CPB2: variants seen among roughly 807,000 people sequenced by gnomAD.
CPB2 encodes carboxypeptidase B2.
In CPB2, 54 loss-of-function variants were observed where a neutral mutation model predicts 57.0. The observed-to-expected ratio is 0.95, with a 90% CI of 0.76 to 1.19. The LOEUF is 1.19. Among genes scored for constraint, CPB2 ranks in the 50% most tolerant of loss-of-function variants. CPB2 has a pLI of 0.00. For synonymous variants in CPB2, 189 were observed against 178.1 expected (o/e 1.06, Z -0.49); for missense variants, 426 against 512.0 (o/e 0.83, Z 1.62).
At chr13:46,093,182 G>T (rs1229470283) in intron 1 of CPB2, among the ~76,000 whole-genome samples, 1 of 152,200 alleles carries the variant, frequency 6.6e-6, no homozygotes, top group East Asian at 1.9e-4. Context: ...CAAAATGCTG[G>T]GATTACAGGC....
At chr13:46,069,207 A>G (rs534881721) in intron 6 of CPB2, among the ~76,000 whole-genome samples, 1 of 152,250 alleles carries the variant, frequency 6.6e-6, no homozygotes, top group South Asian at 2.1e-4. Flanking sequence ...AATAGGTAGG[A>G]CTCCAGACAG....
chr13:46,055,902 C>T (rs2044691310), intron 9 of CPB2, 53 bp from the exon 10 acceptor site: 2 of 1,025,600 alleles, frequency 2.0e-6, no homozygotes, highest in Admixed American at 4.3e-5. Context: ...TGAAACATGA[C>T]AAGTAGAAGT....
At chr13:46,085,362 T>C (rs2045186833) in intron 2 of CPB2, among the ~76,000 whole-genome samples, 1 of 152,206 alleles carries the variant, frequency 6.6e-6, no homozygotes, top group Non-Finnish European at 1.5e-5. Flanking sequence ...GATGTGGTGG[T>C]CGTGAATATG....
chr13:46,081,318 A>T (rs1173699257), intron 4 of CPB2, among the ~76,000 whole-genome samples: 3 of 152,198 alleles, frequency 2.0e-5, no homozygotes, highest in African/African-American at 7.2e-5. Context: ...TGTTTATGGC[A>T]TTCCCCTCTC....
chr13:46,058,481 T>A (rs1019829890), intron 8 of CPB2, 100 bp from the exon 9 acceptor site: 2 of 951,638 alleles, frequency 2.1e-6, no homozygotes, highest in African/African-American at 3.2e-5. Flanking sequence ...GTTGCAACAC[T>A]TTTAGATGAA....
intron 6 of CPB2, among the ~76,000 whole-genome samples, chr13:46,069,005 T>G (rs2044898106): frequency 6.6e-6 from 1 of 152,184 alleles, no homozygotes; most frequent in African/African-American, 2.4e-5. Context: ...TAATAAAGCA[T>G]TTCTCATTTT....
chr13:46,076,630 T>G (rs1448418736), intron 5 of CPB2, among the ~76,000 whole-genome samples: 1 of 152,032 alleles, frequency 6.6e-6, no homozygotes, highest in East Asian at 1.9e-4. Flanking sequence ...GAAAAAAAAT[T>G]CTAAAATTCA....
chr13:46,069,403 A>G (rs1566402853), intron 6 of CPB2, among the ~76,000 whole-genome samples: 1 of 152,204 alleles, frequency 6.6e-6, no homozygotes, highest in Non-Finnish European at 1.5e-5. Context: ...TGGTGTATTC[A>G]TAGAGTTTTG....
At chr13:46,059,179 A>AC (rs1355306142) in intron 8 of CPB2, among the ~76,000 whole-genome samples, 3 of 152,228 alleles carry the variant, frequency 2.0e-5, no homozygotes, top group Non-Finnish European at 2.9e-5. Context: ...TAGTAATACT[A>AC]CCAGCTGACA....
intron 3 of CPB2, among the ~76,000 whole-genome samples, chr13:46,083,860 C>G (rs562242684): frequency 5.3e-5 from 8 of 152,236 alleles, no homozygotes; most frequent in Non-Finnish European, 1.0e-4. Flanking sequence ...GAAGCTAAAT[C>G]CCCTCCCGAA....
chr13:46,077,229 A>G (rs187401669), intron 5 of CPB2, among the ~76,000 whole-genome samples: 10 of 152,338 alleles, frequency 6.6e-5, no homozygotes, highest in African/African-American at 2.4e-4. Flanking sequence ...TCAAAAGGAA[A>G]AAAACAAATA....
intron 9 of CPB2, among the ~76,000 whole-genome samples, chr13:46,057,393 G>C (rs948010641): frequency 6.6e-6 from 1 of 152,048 alleles, no homozygotes; most frequent in Admixed American, 6.5e-5. Context: ...ATTTTATTCT[G>C]TTAAGAGAGC....
rs10651921 is a variant in CPB2 at position 46,090,724 on chromosome 13, C to CTTT, written c.75-2907_75-2905dup. On this transcript the variant is annotated intron_variant, in intron 1 of 10. Coordinates refer to ENST00000181383, the MANE Select transcript of CPB2 (RefSeq NM_001872.5). ...CAATTTTATCCATAAAGATGTTGCA[C>CTTT]TTTTTTTTTTTCTTTTTGAGACGGA... is the stretch of plus-strand genomic sequence containing the variant. Among the ~76,000 whole-genome samples the CTTT allele has an allele frequency of 5.9e-3, 872 of 148,430 alleles. 16 individuals carry two copies. The highest frequency in any genetic ancestry group is 0.019 in the African/African-American group (763 of 40,348).
In CPB2 at chr13:46,064,718, A is replaced by G. The variant is rs1323132549; in HGVS notation, c.726T>C (p.Arg242=). Reference sequence around the variant, plus strand: ...TGCAATGATTGTTCGCATAGAAAGAACGGTTCTTTCTCCACATTCGATTCT... The same window carrying G: ...TGCAATGATTGTTCGCATAGAAAGAGCGGTTCTTTCTCCACATTCGATTCT... The part of the protein sequence containing the change: ...WKKNRMWRKN[R]SFYANNHCIG... Residue 242 remains arginine (R), a synonymous_variant, in exon 8 of 11, where the codon CGT becomes CGC. Coordinates refer to ENST00000181383, the MANE Select transcript of CPB2 (RefSeq NM_001872.5). 6.2e-7 allele frequency: 1 copy of G among 1,613,988 alleles called. No homozygotes were observed. Among genetic ancestry groups the G allele is most frequent in the Non-Finnish European group, 8.5e-7 (1 of 1,179,962 alleles).
chr13:46,064,650 C>T lies in CPB2; in HGVS notation c.794G>A (p.Cys265Tyr), dbSNP rs555002709. ...AAGAAATAAAGCCAACAACCTACCA[C>T]ACCAGTGTTTGGAAGCAAAGTTCCT... ...LNRNFASKHW[C>Y]EEGASSSSCS... Residue 265 changes from cysteine to tyrosine, a missense_variant and splice_region_variant, in exon 8 of 11, where the codon TGT (cysteine) becomes TAT (tyrosine). Transcript: ENST00000181383. 2 of 1,613,274 alleles carry T rather than the reference C, an allele frequency of 1.2e-6. No homozygotes were observed. The highest frequency in any genetic ancestry group is 2.2e-5 in the South Asian group (2 of 91,060).
chr13:46,053,817 A>G lies in CPB2; in HGVS notation c.1088-19T>C, dbSNP rs376048335. 2 of 1,600,624 alleles carry G rather than the reference A, an allele frequency of 1.2e-6. No individual in the cohort carries two copies. The highest frequency in any genetic ancestry group is 1.7e-6 in the Non-Finnish European group (2 of 1,170,254). ...GCTAGGTCTAAAAGAAGAAGAAAGAAATTGTTGAAATACAGACGTTTCAAA... is the reference window on the plus strand; with the variant it reads ...GCTAGGTCTAAAAGAAGAAGAAAGAGATTGTTGAAATACAGACGTTTCAAA... On this transcript the variant is annotated intron_variant, in intron 10 of 10. Transcript: ENST00000181383.
chr13:46,064,647 C>G lies in CPB2; in HGVS notation c.796+1G>C. On this transcript the variant is annotated splice_donor_variant, in intron 8 of 10. Transcript: ENST00000181383. LOFTEE classifies it high-confidence loss of function. ...TGCAAGAAATAAAGCCAACAACCTA[C>G]CACACCAGTGTTTGGAAGCAAAGTT... 2 of 1,613,146 alleles carry G rather than the reference C, an allele frequency of 1.2e-6. No homozygotes were observed. The highest frequency in any genetic ancestry group is 1.7e-6 in the Non-Finnish European group (2 of 1,179,066).
chr13:46,065,864 T>G (rs1002907383), intron 7 of CPB2, among the ~76,000 whole-genome samples: 19 of 152,272 alleles, frequency 1.2e-4, no homozygotes, highest in Middle Eastern at 6.8e-3. Context: ...GCTGGAAATC[T>G]AAAGGGTGAC....
intron 1 of CPB2, among the ~76,000 whole-genome samples, chr13:46,092,978 T>C (rs1414352364): frequency 6.6e-6 from 1 of 152,192 alleles, no homozygotes; most frequent in Non-Finnish European, 1.5e-5. Flanking sequence ...AATGGCGTGA[T>C]CTTGGCTCAC....
Sources: allele counts gnomAD v4.1 joint callset (sites outside exome capture counted in the v4.1 genomes callset), GRCh38; gene constraint gnomAD v4.1.1; transcripts MANE v1.5; gene names NCBI Gene and HGNC (gene_info 2026-07-23, HGNC 2026-07-21).